Variants in HYDIN observed in about 807,000 individuals in gnomAD.
HYDIN encodes the protein HYDIN axonemal central pair apparatus protein.
HYDIN carries 132 observed loss-of-function variants against 403.9 expected under a neutral mutation model. That is an observed-to-expected ratio of 0.33 (90% CI 0.28 to 0.38). The LOEUF (loss-of-function observed/expected upper bound fraction) is 0.38, where lower values mean the gene tolerates loss of function less well. Among genes scored for constraint, HYDIN ranks in the 10% least tolerant of loss-of-function variants. The pLI, the probability that HYDIN is intolerant of heterozygous loss-of-function variation, is 1.00. For missense variants in HYDIN, 2,827 were observed against 5,009.5 expected (o/e 0.56, Z 13.15); for synonymous variants, 1,202 against 1,891.7 (o/e 0.64, Z 9.46).
intron 10 of HYDIN, among the ~76,000 whole-genome samples, chr16:71,099,980 G>T (rs1437876072): frequency 3.3e-5 from 5 of 151,980 alleles, no homozygotes; most frequent in Non-Finnish European, 7.4e-5. Flanking sequence ...CTCCAGCCTG[G>T]GCAACAGAGC....
chr16:71,172,204 A>G (rs987409533), intron 5 of HYDIN, among the ~76,000 whole-genome samples: 2 of 152,184 alleles, frequency 1.3e-5, no homozygotes, highest in African/African-American at 4.8e-5. Context: ...CAAATTAGAC[A>G]TTTTCTTAAA....
At chr16:71,105,471 T>C (rs1333283467) in intron 10 of HYDIN, among the ~76,000 whole-genome samples, 1 of 129,444 alleles carries the variant, frequency 7.7e-6, no homozygotes, top group Non-Finnish European at 1.6e-5. Context: ...TTTTAATAAA[T>C]CTAATTCAAT....
chr16:70,934,640 T>C (rs2077447518), intron 45 of HYDIN, among the ~76,000 whole-genome samples: 1 of 151,640 alleles, frequency 6.6e-6, no homozygotes, highest in East Asian at 2.0e-4. Flanking sequence ...ACATGATTGA[T>C]TGTGTTTTGT....
At chr16:70,980,716 G>A (rs539685595) in intron 29 of HYDIN, among the ~76,000 whole-genome samples, 2 of 151,706 alleles carry the variant, frequency 1.3e-5, no homozygotes, top group South Asian at 2.1e-4. Flanking sequence ...CAAGGAGCTT[G>A]AATAGAGATT....
At chr16:71,158,217 C>A (rs1271309426) in intron 6 of HYDIN, among the ~76,000 whole-genome samples, 2 of 152,212 alleles carry the variant, frequency 1.3e-5, no homozygotes, top group Non-Finnish European at 2.9e-5. Context: ...TGTTAACTTA[C>A]TGGGGGAGTT....
chr16:70,995,662 C>G (rs1275875884), intron 23 of HYDIN, among the ~76,000 whole-genome samples: 1 of 152,084 alleles, frequency 6.6e-6, no homozygotes, highest in Non-Finnish European at 1.5e-5. Flanking sequence ...CTTCCATGAT[C>G]TTTGCAGATG....
chr16:71,031,199 CAAAAAAAAAAA>C (rs376968331), intron 19 of HYDIN, among the ~76,000 whole-genome samples: 6 of 25,192 alleles, frequency 2.4e-4, no homozygotes, highest in South Asian at 1.3e-3. Context: ...GACTCCATCT[CAAAAAAAAAAA>C]AAAAAAAAAA....
chr16:71,060,290 G>A (rs1568080275), intron 18 of HYDIN, among the ~76,000 whole-genome samples: 1 of 152,100 alleles, frequency 6.6e-6, no homozygotes, highest in Non-Finnish European at 1.5e-5. Flanking sequence ...TTGAGCTAAG[G>A]CATCCCTTAA....
intron 18 of HYDIN, among the ~76,000 whole-genome samples, chr16:71,035,984 G>T (rs1176690920): frequency 2.0e-5 from 3 of 150,538 alleles, no homozygotes; most frequent in Non-Finnish European, 4.4e-5. Flanking sequence ...CCCCAGTGGA[G>T]GTTAGGAAAT....
chr16:71,099,848 A>T (rs2083401541), intron 10 of HYDIN, among the ~76,000 whole-genome samples: 1 of 151,856 alleles, frequency 6.6e-6, no homozygotes, highest in Non-Finnish European at 1.5e-5. Context: ...CAACTTTTTA[A>T]AAAAGTTAGC....
chr16:70,808,627 T>C (rs1055966705), intron 85 of HYDIN, among the ~76,000 whole-genome samples: 1 of 152,190 alleles, frequency 6.6e-6, no homozygotes, highest in Non-Finnish European at 1.5e-5. Context: ...CAAGCCTTCA[T>C]CTTAAGCCCC....
chr16:71,178,459 A>G (rs1447259893), intron 4 of HYDIN, among the ~76,000 whole-genome samples: 5 of 147,504 alleles, frequency 3.4e-5, no homozygotes, highest in Non-Finnish European at 4.5e-5. Context: ...ATATGTATAT[A>G]TATATACACA....
chr16:70,894,318 C>G lies in HYDIN; in HGVS notation c.9248+131G>C, dbSNP rs2041661355. On this transcript the variant is annotated intron_variant, in intron 55 of 85. Transcript: ENST00000393567. ...CTGACTGATAAGTTTCCCAGACACG[C>G]TATTCCCCACGGTGGACTTGACGGC... 2.5e-5 allele frequency: 30 copies of G among 1,214,152 alleles called. No individual in the cohort carries two copies. In the South Asian group the frequency reaches 4.1e-4, roughly 17 times the overall value. 75.2% of individuals were successfully genotyped at this position (1,214,152 alleles called of 1,614,324 possible).
At chr16:71,195,255 A>T (rs1034863273) in intron 1 of HYDIN, among the ~76,000 whole-genome samples, 3 of 140,834 alleles carry the variant, frequency 2.1e-5, no homozygotes, top group South Asian at 4.5e-4. Context: ...AGTTTGGTTT[A>T]AAAAAAAAAA....
chr16:70,879,067 A>C (rs1399845594), intron 62 of HYDIN, among the ~76,000 whole-genome samples: 5 of 150,862 alleles, frequency 3.3e-5, no homozygotes, highest in Non-Finnish European at 7.4e-5. Flanking sequence ...ACATCACTGC[A>C]CACTACCTTG....
intron 53 of HYDIN, among the ~76,000 whole-genome samples, chr16:70,900,226 A>C (rs2076327462): frequency 6.6e-6 from 1 of 152,118 alleles, no homozygotes; most frequent in African/African-American, 2.4e-5. Flanking sequence ...CTGTAATCCC[A>C]GCACTTTGGG....
chr16:70,957,056 C>A, intron 39 of HYDIN, among the ~76,000 whole-genome samples: 1 of 148,784 alleles, frequency 6.7e-6, no homozygotes, highest in East Asian at 2.0e-4. Flanking sequence ...CTGCTGTGCC[C>A]CCATCACCAC....
chr16:71,016,481 T>C (rs2080261204), intron 23 of HYDIN, among the ~76,000 whole-genome samples: 1 of 149,588 alleles, frequency 6.7e-6, no homozygotes, highest in Admixed American at 6.7e-5. Context: ...TTGGTGAGGA[T>C]GCGGAGAAAC....
At chr16:70,950,200 A>G (rs1597394754) in intron 41 of HYDIN, among the ~76,000 whole-genome samples, 2 of 150,030 alleles carry the variant, frequency 1.3e-5, no homozygotes, top group Non-Finnish European at 3.0e-5. Context: ...CTCTTACCTG[A>G]TCTAACATGT....
Sources: allele counts gnomAD v4.1 joint callset (sites outside exome capture counted in the v4.1 genomes callset), GRCh38; gene constraint gnomAD v4.1.1; transcripts MANE v1.5; gene names NCBI Gene and HGNC (gene_info 2026-07-23, HGNC 2026-07-21).